CNTNAP5: variants seen among roughly 807,000 people sequenced by gnomAD.
CNTNAP5 encodes the protein contactin-associated protein-like 5.
Under a neutral mutation model 150.2 loss-of-function variants are expected in CNTNAP5, and 72 were observed. The ratio of observed to expected loss-of-function variants is 0.48; its 90% CI spans 0.40 to 0.58. CNTNAP5 has a LOEUF of 0.58. Among genes scored for constraint, CNTNAP5 ranks in the 20% least tolerant of loss-of-function variants. The pLI is 0.00. For missense variants in CNTNAP5, 1,636 were observed against 1,626.2 expected, an observed-to-expected ratio of 1.01 and a Z score of -0.10; for synonymous variants, 672 against 619.8, an observed-to-expected ratio of 1.08 and a Z score of -1.25.
At chr2:124,474,100 C>T (rs151251101) in intron 6 of CNTNAP5, among the ~76,000 whole-genome samples, 2 of 151,972 alleles carry the variant, frequency 1.3e-5, no homozygotes, top group Admixed American at 6.6e-5. Context: ...ATACTTTATA[C>T]CCAATTGTAA....
chr2:124,630,371 C>T (rs930509014), intron 12 of CNTNAP5, among the ~76,000 whole-genome samples: 11 of 152,132 alleles, frequency 7.2e-5, no homozygotes, highest in African/African-American at 2.2e-4. Flanking sequence ...ATAGCTTATC[C>T]ACCACGATCA....
chr2:124,798,779 T>C (rs1681902450), intron 19 of CNTNAP5, among the ~76,000 whole-genome samples: 1 of 152,178 alleles, frequency 6.6e-6, no homozygotes, highest in African/African-American at 2.4e-5. Flanking sequence ...AGTTAGTATA[T>C]GAGTCATAAC....
At chr2:124,906,417 G>T (rs1011936423) in intron 22 of CNTNAP5, among the ~76,000 whole-genome samples, 1 of 152,030 alleles carries the variant, frequency 6.6e-6, no homozygotes, top group Admixed American at 6.6e-5. Flanking sequence ...CCCTCCCCTT[G>T]CTTCCCAGCA....
At chr2:124,040,819 A>G (rs1432335213) in intron 1 of CNTNAP5, among the ~76,000 whole-genome samples, 1 of 152,198 alleles carries the variant, frequency 6.6e-6, no homozygotes, top group Non-Finnish European at 1.5e-5. Context: ...GTCACAATAT[A>G]TATACTGAGA....
chr2:124,568,811 C>T (rs892769858), intron 11 of CNTNAP5, among the ~76,000 whole-genome samples: 2 of 152,126 alleles, frequency 1.3e-5, no homozygotes, highest in Non-Finnish European at 2.9e-5. Context: ...TTTGGGAGGC[C>T]GAGGCGGGCA....
intron 19 of CNTNAP5, among the ~76,000 whole-genome samples, chr2:124,811,436 T>C (rs1278943738): frequency 6.6e-6 from 1 of 152,122 alleles, no homozygotes; most frequent in Non-Finnish European, 1.5e-5. Context: ...TATTGTTAGA[T>C]TATAAAGAAA....
At chr2:124,194,401 ATATATATATAAATAT>A (rs1558795508) in intron 1 of CNTNAP5, among the ~76,000 whole-genome samples, 6,472 of 23,290 alleles carry the variant, frequency 0.28, 216 homozygotes, top group Middle Eastern at 0.33. Flanking sequence ...ATATATATAT[ATATATATATAAATAT>A]AAATAGGTGT....
chr2:124,458,199 A>AAT (rs35123483), intron 6 of CNTNAP5, among the ~76,000 whole-genome samples: 215 of 141,872 alleles, frequency 1.5e-3, no homozygotes, highest in African/African-American at 4.5e-3. Flanking sequence ...TAAAGAAACT[A>AAT]ATATATATAT....
intron 10 of CNTNAP5, among the ~76,000 whole-genome samples, chr2:124,557,907 A>G (rs1034071430): frequency 6.6e-6 from 1 of 152,094 alleles, no homozygotes; most frequent in Non-Finnish European, 1.5e-5. Context: ...GTGCTTTAGG[A>G]ACAACAAAGT....
intron 11 of CNTNAP5, among the ~76,000 whole-genome samples, chr2:124,570,094 CG>C (rs1355339734): frequency 6.6e-6 from 1 of 152,206 alleles, no homozygotes; most frequent in Admixed American, 6.5e-5. Context: ...TCCATAAGAA[CG>C]GGATGATATC....
At chr2:124,228,764 C>T (rs1417791003) in intron 2 of CNTNAP5, among the ~76,000 whole-genome samples, 3 of 152,124 alleles carry the variant, frequency 2.0e-5, no homozygotes, top group South Asian at 2.1e-4. Context: ...ATTTCTTCTA[C>T]TCTACACCAT....
At chr2:124,666,122 G>C (rs868737690) in intron 13 of CNTNAP5, among the ~76,000 whole-genome samples, 23 of 152,222 alleles carry the variant, frequency 1.5e-4, no homozygotes, top group African/African-American at 5.3e-4. Context: ...TGAAGCGGTT[G>C]GGTTACAGTT....
intron 17 of CNTNAP5, among the ~76,000 whole-genome samples, chr2:124,776,951 T>G (rs1326940792): frequency 2.0e-5 from 3 of 152,100 alleles, no homozygotes. Context: ...TATACTTCAA[T>G]TTTTTTAGGA....
intron 1 of CNTNAP5, among the ~76,000 whole-genome samples, chr2:124,183,457 G>A (rs1188949858): frequency 6.6e-6 from 1 of 152,124 alleles, no homozygotes; most frequent in African/African-American, 2.4e-5. Flanking sequence ...AGAATGAGAT[G>A]TATATTCAAT....
At chr2:124,764,391 T>C (rs529660267) in intron 16 of CNTNAP5, among the ~76,000 whole-genome samples, 1 of 152,322 alleles carries the variant, frequency 6.6e-6, no homozygotes, top group South Asian at 2.1e-4. Flanking sequence ...AGACACCTAT[T>C]ACAGTTTCCA....
intron 1 of CNTNAP5, among the ~76,000 whole-genome samples, chr2:124,029,587 A>C (rs1043532633): frequency 1.3e-5 from 2 of 151,906 alleles, no homozygotes; most frequent in African/African-American, 2.4e-5. Flanking sequence ...TATTACGAAA[A>C]CCTTACTCTC....
intron 11 of CNTNAP5, among the ~76,000 whole-genome samples, chr2:124,576,118 T>C (rs930023367): frequency 2.7e-4 from 41 of 151,588 alleles, no homozygotes; most frequent in African/African-American, 9.7e-4. Context: ...TTAGCATAAA[T>C]AGGATTTTTG....
intron 4 of CNTNAP5, among the ~76,000 whole-genome samples, chr2:124,433,257 A>G (rs563138027): frequency 6.6e-6 from 1 of 152,322 alleles, no homozygotes; most frequent in African/African-American, 2.4e-5. Context: ...AGAAAGGTGG[A>G]CATTTGTGAA....
chr2:124,046,704 G>A (rs576312022), intron 1 of CNTNAP5, among the ~76,000 whole-genome samples: 4 of 152,000 alleles, frequency 2.6e-5, no homozygotes, highest in African/African-American at 4.8e-5. Flanking sequence ...AGACATTTTC[G>A]TACAAGAAAA....
Sources: gnomAD v4.1 joint callset for allele counts (sites outside exome capture counted in the v4.1 genomes callset) on GRCh38, gnomAD v4.1.1 for gene constraint, MANE v1.5 for transcripts, NCBI Gene and HGNC (gene_info 2026-07-23, HGNC 2026-07-21) for gene names.